The following TCP11L2 variants were observed in gnomAD, a reference collection of about 807,000 sequenced individuals.
TCP11L2 encodes t-complex 11 like 2, also known as T-complex protein 11-like protein 2.
A neutral mutation model predicts 50.7 loss-of-function variants in TCP11L2; 39 were observed. The ratio of observed to expected loss-of-function variants is 0.77; its 90% CI spans 0.60 to 1.01. TCP11L2 has a LOEUF of 1.01. Ranked by LOEUF, TCP11L2 falls within the 50% of genes least tolerant of loss-of-function variation. TCP11L2 has a pLI of 0.00. For missense variants in TCP11L2, 612 were observed against 614.7 expected, an observed-to-expected ratio of 1.00 and a Z score of 0.05; for synonymous variants, 192 against 219.3, an observed-to-expected ratio of 0.88 and a Z score of 1.10.
At chr12:106,339,358 C>G (rs1371380370) in intron 8 of TCP11L2, among the ~76,000 whole-genome samples, 1 of 151,960 alleles carries the variant, frequency 6.6e-6, no homozygotes, top group African/African-American at 2.4e-5. Context: ...GTTTAAGTTC[C>G]TTGTAGATTC....
intron 9 of TCP11L2, 71 bp downstream of exon 9, chr12:106,341,069 T>A: frequency 7.4e-7 from 1 of 1,344,670 alleles, no homozygotes; most frequent in Non-Finnish European, 1.0e-6. Context: ...TAACATTAAG[T>A]CAGTCAAATT....
At chr12:106,326,483 A>G (rs1470726305) in intron 6 of TCP11L2, among the ~76,000 whole-genome samples, 1 of 152,180 alleles carries the variant, frequency 6.6e-6, no homozygotes, top group Non-Finnish European at 1.5e-5. Flanking sequence ...TAACTTTGGA[A>G]TGGGCCTATT....
intron 6 of TCP11L2, among the ~76,000 whole-genome samples, chr12:106,332,798 A>G (rs2035791364): frequency 1.3e-5 from 2 of 152,128 alleles, no homozygotes; most frequent in African/African-American, 4.8e-5. Flanking sequence ...ATCTAACCCT[A>G]ATTACCTCCC....
chr12:106,319,830 T>G (rs1407702043), intron 4 of TCP11L2, among the ~76,000 whole-genome samples: 2 of 152,272 alleles, frequency 1.3e-5, no homozygotes, highest in Non-Finnish European at 2.9e-5. Context: ...CGCAAGCTCT[T>G]AAGCATGTAC....
chr12:106,327,357 C>G (rs979570424), intron 6 of TCP11L2, among the ~76,000 whole-genome samples: 12 of 152,116 alleles, frequency 7.9e-5, no homozygotes, highest in Non-Finnish European at 1.6e-4. Flanking sequence ...CCACGCCTGG[C>G]TAATTTTTAA....
At chr12:106,320,854 G>A (rs2035309858) in intron 4 of TCP11L2, among the ~76,000 whole-genome samples, 1 of 152,202 alleles carries the variant, frequency 6.6e-6, no homozygotes, top group African/African-American at 2.4e-5. Context: ...ACTGTGTGGT[G>A]GTAGGAGGTG....
chr12:106,332,921 T>G (rs2035793951), intron 6 of TCP11L2, among the ~76,000 whole-genome samples: 1 of 152,188 alleles, frequency 6.6e-6, no homozygotes, highest in Non-Finnish European at 1.5e-5. Flanking sequence ...ATGATTCTAT[T>G]TACATAACAT....
intron 4 of TCP11L2, among the ~76,000 whole-genome samples, chr12:106,319,996 A>G (rs952165004): frequency 6.6e-6 from 1 of 152,208 alleles, no homozygotes; most frequent in African/African-American, 2.4e-5. Flanking sequence ...CATGATCTGC[A>G]CCTTGTTCTT....
At chr12:106,314,613 G>A in intron 3 of TCP11L2, 120 bp downstream of exon 3, 1 of 860,042 alleles carries the variant, frequency 1.2e-6, no homozygotes, top group South Asian at 1.8e-5. Flanking sequence ...CAGAGAGAGA[G>A]ATAGACACAT....
In TCP11L2 at chr12:106,340,968, G is replaced by A. The variant is rs751176919; in HGVS notation, c.1285G>A (p.Glu429Lys). 1.2e-6 allele frequency: 2 copies of A among 1,612,580 alleles called. No homozygotes were observed. Among genetic ancestry groups the A allele is most frequent in the Non-Finnish European group, 1.7e-6 (2 of 1,179,556 alleles). ...TATAGGTCAATTTTCAAGCATTGAA[G>A]AGGAGGACAATCCTATCTGGTCCTT... The part of the protein sequence containing the change: ...NLIGQFSSIE[E>K]EDNPIWSLID... The change falls in exon 9 of 10, where the codon GAG becomes AAG. Residue 429 changes from glutamate to lysine, a missense_variant. Transcript: ENST00000299045.
At chr12:106,321,739 T>G in intron 5 of TCP11L2, 33 bp downstream of exon 5, 1 of 1,582,110 alleles carries the variant, frequency 6.3e-7, no homozygotes, top group Non-Finnish European at 8.7e-7. Context: ...TTTCCTAGAG[T>G]ATCTTTGAGT....
intron 8 of TCP11L2, among the ~76,000 whole-genome samples, chr12:106,340,132 T>A (rs923786651): frequency 6.6e-6 from 1 of 152,188 alleles, no homozygotes; most frequent in African/African-American, 2.4e-5. Context: ...CTTAAGGACC[T>A]TTTCTGGATA....
At chr12:106,322,700 G>A (rs2035383126) in intron 5 of TCP11L2, among the ~76,000 whole-genome samples, 1 of 152,138 alleles carries the variant, frequency 6.6e-6, no homozygotes, top group African/African-American at 2.4e-5. Context: ...TTTTGGAAAG[G>A]TAGGAGAAAG....
chr12:106,313,928 GC>G (rs1444941447), intron 2 of TCP11L2, among the ~76,000 whole-genome samples: 1 of 151,828 alleles, frequency 6.6e-6, no homozygotes, highest in Non-Finnish European at 1.5e-5. Context: ...ACCATGCCCG[GC>G]TAATTTTTTT....
chr12:106,304,535 G>A (rs1459813564), intron 1 of TCP11L2, among the ~76,000 whole-genome samples: 3 of 152,228 alleles, frequency 2.0e-5, no homozygotes, highest in Non-Finnish European at 4.4e-5. Flanking sequence ...GCAGAAGATG[G>A]AAATTTTTCA....
At chr12:106,339,204 G>T (rs1043672686) in intron 8 of TCP11L2, among the ~76,000 whole-genome samples, 30 of 152,138 alleles carry the variant, frequency 2.0e-4, no homozygotes, top group African/African-American at 6.8e-4. Flanking sequence ...ATCTCTCTGT[G>T]GTTTTGATTT....
intron 2 of TCP11L2, among the ~76,000 whole-genome samples, chr12:106,313,684 T>TA (rs1158421558): frequency 6.6e-6 from 1 of 151,326 alleles, no homozygotes; most frequent in Non-Finnish European, 1.5e-5. Context: ...AATTACAGAA[T>TA]AAAAATAATT....
At chr12:106,342,638 C>T (rs536840412) in intron 9 of TCP11L2, among the ~76,000 whole-genome samples, 3 of 152,288 alleles carry the variant, frequency 2.0e-5, no homozygotes, top group African/African-American at 7.2e-5. Context: ...CAATGCTGCA[C>T]GTGCACATAT....
chr12:106,344,666 T>G (rs570757274), intron 9 of TCP11L2, among the ~76,000 whole-genome samples: 60 of 152,354 alleles, frequency 3.9e-4, no homozygotes, highest in African/African-American at 1.3e-3. Flanking sequence ...ATTTTAGTAG[T>G]ATCATAGTTG....
Sources: allele counts gnomAD v4.1 joint callset (sites outside exome capture counted in the v4.1 genomes callset), GRCh38; gene constraint gnomAD v4.1.1; transcripts MANE v1.5; gene names NCBI Gene and HGNC (gene_info 2026-07-23, HGNC 2026-07-21).